Variants in PTGR1 observed in about 807,000 individuals in gnomAD.
The protein encoded by PTGR1 is 15-oxoprostaglandin 13-reductase.
Under a neutral mutation model 37.7 loss-of-function variants are expected in PTGR1, and 23 were observed. That is an observed-to-expected ratio of 0.61 (90% CI 0.44 to 0.86). PTGR1 has a LOEUF of 0.86. PTGR1 is among the 40% of genes least tolerant of loss of function. The pLI is 0.00. For synonymous variants in PTGR1, 134 were observed against 140.0 expected, an observed-to-expected ratio of 0.96 and a Z score of 0.30; for missense variants, 351 against 394.3, an observed-to-expected ratio of 0.89 and a Z score of 0.93.
At chr9:111,555,904 A>G (rs1391851108) in intron 9 of PTGR1, among the ~76,000 whole-genome samples, 1 of 152,214 alleles carries the variant, frequency 6.6e-6, no homozygotes, top group East Asian at 1.9e-4. Context: ...TTTCAAAGCT[A>G]ATCATGCCTT....
chr9:111,596,012 A>G (rs774361789), intron 2 of PTGR1, among the ~76,000 whole-genome samples: 3 of 152,210 alleles, frequency 2.0e-5, no homozygotes, highest in African/African-American at 4.8e-5. Flanking sequence ...GCTTATGAGG[A>G]TAGAGAGGAC....
chr9:111,592,765 G>T (rs1474594787), intron 4 of PTGR1, 161 bp downstream of exon 4: 3 of 973,378 alleles, frequency 3.1e-6, no homozygotes, highest in African/African-American at 3.3e-5. Context: ...TTTCCAGCTA[G>T]TTAGGAAGGA....
chr9:111,556,831 G>C (rs972870844), intron 9 of PTGR1, among the ~76,000 whole-genome samples: 8 of 152,292 alleles, frequency 5.3e-5, no homozygotes, highest in African/African-American at 1.9e-4. Flanking sequence ...AGTTTCCTGA[G>C]GCCCCCCAGC....
chr9:111,569,869 G>T (rs1828732564), intron 9 of PTGR1: 1 of 630,034 alleles, frequency 1.6e-6, no homozygotes. Context: ...GAAGGGAAAT[G>T]GACCTGCATT....
downstream of PTGR1, among the ~76,000 whole-genome samples, chr9:111,561,145 GAGGGAGA>G (rs1828299356): frequency 1.9e-5 from 1 of 51,646 alleles, no homozygotes; most frequent in East Asian, 4.3e-4. Context: ...AGAGGAGAGA[GAGGGAGA>G]GAGAGAGAGA....
rs751229186 is a variant in PTGR1 at position 111,570,138 on chromosome 9, C to G, written c.832G>C (p.Asp278His). 1 of 1,614,022 alleles carries G rather than the reference C, an allele frequency of 6.2e-7. No individual in the cohort carries two copies. Among genetic ancestry groups the G allele is most frequent in the Non-Finnish European group, 8.5e-7 (1 of 1,180,034 alleles). Residue 278 changes from aspartate (D) to histidine (H), a missense_variant, in exon 9 of 10, where the codon GAT becomes CAT. Asp to His is a moderately conservative substitution (Grantham distance 81). Transcript: ENST00000407693. Reference protein sequence around the residue: ...EAFVVYRWQGDARQKALKDLL... With the variant: ...EAFVVYRWQGHARQKALKDLL... ...TCCTTCAGAGCTTTTTGGCGGGCAT[C>G]TCCTTGCCAGCGGTAGACGACAAAA... is the stretch of plus-strand genomic sequence containing the variant.
At chr9:111,572,910 G>C (rs1197793383) in intron 8 of PTGR1, among the ~76,000 whole-genome samples, 1 of 152,076 alleles carries the variant, frequency 6.6e-6, no homozygotes, top group Non-Finnish European at 1.5e-5. Context: ...GTGTTGATGA[G>C]AATGTTGGTT....
At chr9:111,592,809 C>T (rs1455436423) in intron 4 of PTGR1, 117 bp downstream of exon 4, 2 of 1,350,404 alleles carry the variant, frequency 1.5e-6, no homozygotes, top group Non-Finnish European at 2.0e-6. Flanking sequence ...CAAGATCACA[C>T]AGTGAGTCAA....
Position 111,562,944 on chromosome 9 carries a change from A to G in PTGR1, c.*177T>C. On this transcript the variant is annotated 3_prime_UTR_variant, in exon 10 of 10. Transcript: ENST00000407693. ...AGGTGACTGGTTGTTGTTGACTTTG[A>G]AACTTCCATCCTCCATCACTAATTA... 7.2e-7 allele frequency: 1 copy of G among 1,388,412 alleles called. No homozygotes were observed. Among genetic ancestry groups the G allele is most frequent in the Non-Finnish European group, 9.3e-7 (1 of 1,073,820 alleles). 86.0% of individuals were successfully genotyped at this position (1,388,412 alleles called of 1,614,324 possible).
At chr9:111,551,155 ATAT>A (rs1827930188) in intron 9 of PTGR1, among the ~76,000 whole-genome samples, 1 of 152,194 alleles carries the variant, frequency 6.6e-6, no homozygotes, top group African/African-American at 2.4e-5. Flanking sequence ...TATATCCATA[ATAT>A]TATTTCATCA....
chr9:111,595,988 A>G (rs557556089), intron 2 of PTGR1, among the ~76,000 whole-genome samples: 2 of 152,108 alleles, frequency 1.3e-5, no homozygotes, highest in Non-Finnish European at 2.9e-5. Flanking sequence ...TGCTTACCTC[A>G]CTGCCATCAT....
chr9:111,597,279 G>C, intron 2 of PTGR1, 38 bp downstream of exon 2: 1 of 1,463,144 alleles, frequency 6.8e-7, no homozygotes, highest in Non-Finnish European at 9.5e-7. Flanking sequence ...AACTGATACA[G>C]TCCCTTCCAA....
At chr9:111,579,923 A>G (rs376643898) in intron 6 of PTGR1, among the ~76,000 whole-genome samples, 2 of 152,246 alleles carry the variant, frequency 1.3e-5, no homozygotes, top group Non-Finnish European at 2.9e-5. Context: ...TGTATTATGA[A>G]GACCAGAATA....
downstream of PTGR1, among the ~76,000 whole-genome samples, chr9:111,561,110 T>TATAGAGAG (rs1457364862): frequency 1.9e-3 from 37 of 19,192 alleles, 2 homozygotes; most frequent in Non-Finnish European, 2.8e-3. Context: ...TATATATATA[T>TATAGAGAG]AGAGAGAGAG....
chr9:111,576,442 T>G, intron 7 of PTGR1: 1 of 1,613,944 alleles, frequency 6.2e-7, no homozygotes, highest in Non-Finnish European at 8.5e-7. Flanking sequence ...TTGTTTCAAC[T>G]GTTACACAGA....
At chr9:111,584,259 C>T (rs1006242827) in intron 5 of PTGR1, among the ~76,000 whole-genome samples, 4 of 152,200 alleles carry the variant, frequency 2.6e-5, no homozygotes, top group Non-Finnish European at 5.9e-5. Context: ...TTCTTCACAA[C>T]CAAAGTTTCC....
At chr9:111,572,756 C>CAAAA (rs58101079) in intron 8 of PTGR1, among the ~76,000 whole-genome samples, 23 of 63,486 alleles carry the variant, frequency 3.6e-4, no homozygotes, top group East Asian at 2.3e-3. Flanking sequence ...GACCCTGTCT[C>CAAAA]AAAAAAAAAA....
intron 9 of PTGR1, among the ~76,000 whole-genome samples, chr9:111,555,741 CAG>C (rs1288355553): frequency 3.9e-5 from 6 of 152,162 alleles, no homozygotes; most frequent in South Asian, 2.1e-4. Context: ...ATGAGAACAA[CAG>C]GAGGGAAATC....
chr9:111,571,574 C>G (rs559892504), intron 8 of PTGR1, among the ~76,000 whole-genome samples: 1 of 151,798 alleles, frequency 6.6e-6, no homozygotes, highest in East Asian at 2.0e-4. Context: ...GACCTCTTGG[C>G]TCAAGTGATC....
Sources: allele counts gnomAD v4.1 joint callset (sites outside exome capture counted in the v4.1 genomes callset), GRCh38; gene constraint gnomAD v4.1.1; transcripts MANE v1.5; gene names NCBI Gene and HGNC (gene_info 2026-07-23, HGNC 2026-07-21).